Variants in EDNRA observed in about 807,000 individuals in gnomAD.
The protein encoded by EDNRA is endothelin receptor type A.
A neutral mutation model predicts 41.4 loss-of-function variants in EDNRA; 11 were observed. The ratio of observed to expected loss-of-function variants is 0.27; its 90% CI spans 0.17 to 0.44. The LOEUF is 0.44. Among genes scored for constraint, EDNRA ranks in the 20% least tolerant of loss-of-function variants. The pLI is 1.00. For missense variants in EDNRA, 294 were observed against 531.0 expected (o/e 0.55, Z 4.39); for synonymous variants, 172 against 183.0 (o/e 0.94, Z 0.49).
Position 147,542,539 on chromosome 4 carries a change from G to A in EDNRA, c.1205G>A (p.Gly402Glu). Residue 402 changes from glycine to glutamate, a missense_variant, in exon 8 of 8, where the codon GGA (glycine) becomes GAA (glutamate). By Grantham distance (98) the Gly-to-Glu change is moderately conservative (BLOSUM62 -2). This residue lies in a region of EDNRA where 185 missense variants were observed against 390.8 expected (regional missense o/e 0.47). Transcript: ENST00000651419. ...KSLMTSVPMN[G>E]TSIQWKNHDQ... ...CTGATGACCTCGGTCCCCATGAACG[G>A]AACAAGCATCCAGTGGAAGAACCAC... is the stretch of plus-strand genomic sequence containing the variant. The A allele has an allele frequency of 1.2e-6, 2 of 1,614,126 alleles. No individual in the cohort carries two copies. The highest frequency in any genetic ancestry group is 8.5e-7 in the Non-Finnish European group (1 of 1,180,012).
intron 5 of EDNRA, among the ~76,000 whole-genome samples, chr4:147,539,218 A>C (rs1422996717): frequency 6.6e-6 from 1 of 151,988 alleles, no homozygotes; most frequent in Non-Finnish European, 1.5e-5. Flanking sequence ...TTTAAAGAGC[A>C]AAAAATCCCA....
intron 2 of EDNRA, among the ~76,000 whole-genome samples, chr4:147,500,387 T>C (rs1729474790): frequency 6.6e-6 from 1 of 152,216 alleles, no homozygotes. Flanking sequence ...TGTTATTTTT[T>C]GTGACACAGA....
At chr4:147,481,981 G>A (rs1028397832) in intron 1 of EDNRA, among the ~76,000 whole-genome samples, 5 of 152,180 alleles carry the variant, frequency 3.3e-5, no homozygotes, top group African/African-American at 1.2e-4. Context: ...GAAAACAAGG[G>A]CTGCTTCTAG....
chr4:147,510,798 T>G (rs1018296440), intron 2 of EDNRA, among the ~76,000 whole-genome samples: 3 of 152,224 alleles, frequency 2.0e-5, no homozygotes, highest in African/African-American at 7.2e-5. Context: ...ACTGAAGCAC[T>G]CTTTCACGGG....
rs554511148 is a variant in EDNRA at position 147,541,720 on chromosome 4, A to G, written c.1144-758A>G. On this transcript the variant is annotated intron_variant, in intron 7 of 7. Transcript: ENST00000651419. ...ATCACACAAACAGATGAAACTCGGT[A>G]TGGAAGTTTGGGGCCGTATTTCTGA... is the stretch of plus-strand genomic sequence containing the variant. 2.0e-3 allele frequency among the ~76,000 whole-genome samples: 303 copies of G among 152,338 alleles called. 1 individual carries two copies. Among genetic ancestry groups the G allele is most frequent in the Non-Finnish European group, 3.3e-3 (223 of 68,028 alleles).
chr4:147,534,415 G>A (rs1730852370), intron 4 of EDNRA, among the ~76,000 whole-genome samples: 1 of 152,204 alleles, frequency 6.6e-6, no homozygotes, highest in African/African-American at 2.4e-5. Context: ...CACTTAACCT[G>A]AGGATAGAAT....
chr4:147,501,648 A>G (rs1294323320), intron 2 of EDNRA, among the ~76,000 whole-genome samples: 1 of 152,202 alleles, frequency 6.6e-6, no homozygotes, highest in Admixed American at 6.5e-5. Context: ...TGTTCTGTAC[A>G]TTGCTTTTTT....
chr4:147,540,281 T>C (rs1731054109), intron 6 of EDNRA, 96 bp from the exon 7 acceptor site: 2 of 1,069,408 alleles, frequency 1.9e-6, no homozygotes, highest in East Asian at 5.2e-5. Context: ...AAATGGCTTC[T>C]GGGCAAGAAA....
At position 147,519,970 on chromosome 4, in the gene EDNRA, T is replaced by C. The variant is rs964249134; in HGVS notation, c.540T>C (p.Ser180=). 3 of 1,610,522 alleles carry C rather than the reference T, an allele frequency of 1.9e-6. No individual in the cohort carries two copies. Among genetic ancestry groups the C allele is most frequent in the Non-Finnish European group, 2.5e-6 (3 of 1,178,132 alleles). ...CCGTCCTCAACCTCTGCGCTCTTAG[T>C]GTTGACAGGTAATGTGGTTCTTTCC... The part of the protein sequence containing the change: ...GITVLNLCAL[S]VDRYRAVASW... Residue 180 remains serine (S), a synonymous_variant, in exon 3 of 8, where the codon AGT becomes AGC. Coordinates refer to ENST00000651419, the MANE Select transcript of EDNRA (RefSeq NM_001957.4). The surrounding 1 kb of genome is among the most constrained non-coding windows in gnomAD (Gnocchi z 4.1).
chr4:147,503,910 C>T (rs1222975018), intron 2 of EDNRA, among the ~76,000 whole-genome samples: 1 of 151,618 alleles, frequency 6.6e-6, no homozygotes, highest in Admixed American at 6.6e-5. Context: ...GAACATAACC[C>T]CATTAAATGT....
chr4:147,492,913 A>AT (rs2126388467), intron 2 of EDNRA: 1 of 152,126 alleles, frequency 6.6e-6, no homozygotes, highest in South Asian at 2.1e-4. Flanking sequence ...TGGGAACCTC[A>AT]TTGCCTTCTC....
rs536157847 is a variant in EDNRA at position 147,498,874 on chromosome 4, G to C, written c.420+12773G>C. Among the ~76,000 whole-genome samples, 52 of 152,128 alleles carry C rather than the reference G, an allele frequency of 3.4e-4. 1 individual carries two copies. In the Middle Eastern group the frequency reaches 0.02, roughly 60 times the overall value. ...CTTACCTCAACCTTCCAAAATACTGGGATTACAGGCATGAGCCACTGCGAC... is the reference window on the plus strand; with the variant it reads ...CTTACCTCAACCTTCCAAAATACTGCGATTACAGGCATGAGCCACTGCGAC... On this transcript the variant is annotated intron_variant, in intron 2 of 7. Coordinates refer to ENST00000651419, the MANE Select transcript of EDNRA (RefSeq NM_001957.4).
chr4:147,506,219 T>C, intron 2 of EDNRA: 1 of 521,980 alleles, frequency 1.9e-6, no homozygotes, highest in Non-Finnish European at 3.9e-6. Flanking sequence ...TTGCAAATAT[T>C]CATGATATTG....
chr4:147,506,816 C>G (rs966924315), intron 2 of EDNRA: 1 of 193,502 alleles, frequency 5.2e-6, no homozygotes, highest in African/African-American at 2.4e-5. Context: ...CTAAGCAAAA[C>G]GCATTGATAC....
Position 147,543,468 on chromosome 4 carries a change from G to GT in EDNRA, c.*855dup, listed in dbSNP as rs1201038169. 1 of 152,148 alleles carries GT rather than the reference G, an allele frequency of 6.6e-6. No individual in the cohort carries two copies. Among genetic ancestry groups the GT allele is most frequent in the African/African-American group, 2.4e-5 (1 of 41,434 alleles). The allele number at this position is 152,148 out of a possible 1,614,324, so 9.4% of individuals were successfully genotyped here. ...TAGTTCTTTTTCACAAGTTCAATCT[G>GT]TTTTTCATGTAAATTTTGTATGAAA... On this transcript the variant is annotated 3_prime_UTR_variant, in exon 8 of 8. Coordinates refer to ENST00000651419, the MANE Select transcript of EDNRA (RefSeq NM_001957.4).
At chr4:147,517,699 A>G (rs1380904382) in intron 2 of EDNRA, among the ~76,000 whole-genome samples, 1 of 152,156 alleles carries the variant, frequency 6.6e-6, no homozygotes, top group African/African-American at 2.4e-5. Context: ...CACCACACCT[A>G]TTTGTCTCAA....
intron 3 of EDNRA, among the ~76,000 whole-genome samples, 194 bp from the exon 4 acceptor site, chr4:147,532,312 C>T (rs903894628): frequency 1.7e-4 from 19 of 109,950 alleles, no homozygotes; most frequent in African/African-American, 7.6e-4. Flanking sequence ...AGCAACAGAG[C>T]GAGATTTTGC....
Position 147,543,902 on chromosome 4 carries a change from T to C in EDNRA, c.*1284T>C, listed in dbSNP as rs548055633. On this transcript the variant is annotated 3_prime_UTR_variant, in exon 8 of 8. Transcript: ENST00000651419. ...ACATCTCCCTCCCACATTGTCACCATTTCAAAGGGCCCACAGTGACTTTTG... is the reference window on the plus strand; with the variant it reads ...ACATCTCCCTCCCACATTGTCACCACTTCAAAGGGCCCACAGTGACTTTTG... 1.3e-5 allele frequency: 2 copies of C among 152,682 alleles called. No individual in the cohort carries two copies. Among genetic ancestry groups the C allele is most frequent in the African/African-American group, 4.8e-5 (2 of 41,548 alleles). The allele number at this position is 152,682 out of a possible 1,614,324, so 9.5% of individuals were successfully genotyped here.
intron 2 of EDNRA, among the ~76,000 whole-genome samples, chr4:147,505,237 A>T (rs1401522263): frequency 6.7e-6 from 1 of 148,152 alleles, no homozygotes; most frequent in African/African-American, 2.5e-5. Context: ...GAGAGAGACA[A>T]CATCTAATTC....
Sources: gnomAD v4.1 joint callset for allele counts (sites outside exome capture counted in the v4.1 genomes callset) on GRCh38, gnomAD v4.1.1 for gene constraint, gnomAD v4.1.1 regional missense constraint, Gnocchi (gnomAD v3.1) non-coding constraint, MANE v1.5 for transcripts, NCBI Gene and HGNC (gene_info 2026-07-23, HGNC 2026-07-21) for gene names.